The following CUEDC1 variants were observed in gnomAD, a reference collection of about 807,000 sequenced individuals.
The protein encoded by CUEDC1 is CUE domain-containing protein 1.
Under a neutral mutation model 43.7 loss-of-function variants are expected in CUEDC1, and 30 were observed. The observed-to-expected ratio is 0.69, with a 90% CI of 0.51 to 0.93. CUEDC1 has a LOEUF of 0.93. CUEDC1 is among the 40% of genes least tolerant of loss of function. The pLI, the probability that CUEDC1 is intolerant of heterozygous loss-of-function variation, is 0.00. For missense variants in CUEDC1, 486 were observed against 549.0 expected (o/e 0.89, Z 1.15); for synonymous variants, 223 against 223.6 (o/e 1.00, Z 0.02).
intron 1 of CUEDC1, among the ~76,000 whole-genome samples, chr17:57,903,727 C>A (rs2074498180): frequency 6.6e-6 from 1 of 151,906 alleles, no homozygotes; most frequent in East Asian, 1.9e-4. Flanking sequence ...CCACTTGAGG[C>A]CAGGAGCTTG....
At position 57,912,947 on chromosome 17, in the gene CUEDC1, C is replaced by T. The variant is rs144412032; in HGVS notation, c.-315-27068G>A. 8.7e-3 allele frequency among the ~76,000 whole-genome samples: 1,321 copies of T among 152,218 alleles called. 5 individuals are homozygous for T. Among genetic ancestry groups the T allele is most frequent in the Middle Eastern group, 0.014 (4 of 294 alleles). Reference sequence around the variant, plus strand: ...AGCCTCAACCTCCTGGGCTCAAAAGCGATCCTCCCACCTCAGCCTCCAGAG... The same window carrying T: ...AGCCTCAACCTCCTGGGCTCAAAAGTGATCCTCCCACCTCAGCCTCCAGAG... On this transcript the variant is annotated intron_variant, in intron 1 of 10. Transcript: ENST00000577830.
rs190633615 is a variant in CUEDC1 at position 57,910,978 on chromosome 17, C to T, written c.-315-25099G>A. 5.3e-5 allele frequency among the ~76,000 whole-genome samples: 8 copies of T among 152,228 alleles called. No homozygotes were observed. In the East Asian group the frequency reaches 1.2e-3, roughly 22 times the overall value. The stretch of plus-strand genomic sequence containing the variant: ...CCTGATGCCTTCAAGCTCCTCTTGC[C>T]GTCTCCCTCCCATTTTCTCCCTATG... On this transcript the variant is annotated intron_variant, in intron 1 of 10. Transcript: ENST00000577830.
rs563846260 is a variant in CUEDC1, at chr17:57,950,807, C to T, written c.-316+4418G>A. On this transcript the variant is annotated intron_variant, in intron 1 of 10. Transcript: ENST00000577830. Reference sequence around the variant, plus strand: ...TCTTGACTGCCTATTGGGCCTGCCCCGATCTCCTGACTAGGTTCCCTTCCT... The same window carrying T: ...TCTTGACTGCCTATTGGGCCTGCCCTGATCTCCTGACTAGGTTCCCTTCCT... 3.3e-5 allele frequency among the ~76,000 whole-genome samples: 5 copies of T among 152,312 alleles called. No homozygotes were observed. The East Asian group carries it at 5.8e-4, about 18-fold the overall frequency.
At chr17:57,892,099 C>T (rs2074361147) in intron 1 of CUEDC1, among the ~76,000 whole-genome samples, 2 of 152,178 alleles carry the variant, frequency 1.3e-5, no homozygotes, top group South Asian at 4.1e-4. Flanking sequence ...TTTCCTTCCT[C>T]CTCCGGCTCA....
chr17:57,928,564 A>G (rs2143144671), intron 1 of CUEDC1, among the ~76,000 whole-genome samples: 1 of 151,048 alleles, frequency 6.6e-6, no homozygotes, highest in East Asian at 1.9e-4. Flanking sequence ...AAAAAAAAAA[A>G]GAACCTAGGG....
chr17:57,944,044 C>T (rs1304845722), intron 1 of CUEDC1, among the ~76,000 whole-genome samples: 1 of 152,088 alleles, frequency 6.6e-6, no homozygotes, highest in East Asian at 1.9e-4. Flanking sequence ...GTTAACTTAA[C>T]CTCTCTGTGC....
chr17:57,865,186 G>A (rs2073939549), intron 10 of CUEDC1, among the ~76,000 whole-genome samples: 1 of 152,228 alleles, frequency 6.6e-6, no homozygotes, highest in South Asian at 2.1e-4. Context: ...TAGCAGCGTG[G>A]GGTGACAGTG....
chr17:57,945,461 T>G (rs895033983), intron 1 of CUEDC1, among the ~76,000 whole-genome samples: 1 of 152,252 alleles, frequency 6.6e-6, no homozygotes, highest in Non-Finnish European at 1.5e-5. Context: ...TGAACATTCA[T>G]GCAAAGACAT....
In CUEDC1 at chr17:57,930,430, C is replaced by T. The variant is rs970558364; in HGVS notation, c.-316+24795G>A. Among the ~76,000 whole-genome samples, 1 of 152,186 alleles carries T rather than the reference C, an allele frequency of 6.6e-6. No individual in the cohort carries two copies. The highest frequency in any genetic ancestry group is 2.4e-5 in the African/African-American group (1 of 41,432). On this transcript the variant is annotated intron_variant, in intron 1 of 10. Transcript: ENST00000577830. The surrounding 1 kb of genome is among the most constrained non-coding windows in gnomAD (Gnocchi z 4.2). ...GGCTGAGTCTGGGATGCCCAGGGGC[C>T]CTTTTATCCTGAGTCAGAAACCAAA...
At chr17:57,943,685 A>C (rs145245047) in intron 1 of CUEDC1, among the ~76,000 whole-genome samples, 2 of 152,082 alleles carry the variant, frequency 1.3e-5, no homozygotes, top group Admixed American at 6.6e-5. Flanking sequence ...ATCCACATAC[A>C]TGCAACCCTC....
chr17:57,870,598 G>A (rs2074020093), intron 6 of CUEDC1, among the ~76,000 whole-genome samples: 1 of 151,976 alleles, frequency 6.6e-6, no homozygotes. Context: ...CTCCTTACAA[G>A]ACCATAAGCT....
At chr17:57,953,107 C>T (rs752713977) in intron 1 of CUEDC1, among the ~76,000 whole-genome samples, 7 of 152,186 alleles carry the variant, frequency 4.6e-5, no homozygotes, top group East Asian at 1.9e-4. Context: ...CCTTAAGAGT[C>T]GTCTTTCACA....
intron 7 of CUEDC1, among the ~76,000 whole-genome samples, chr17:57,868,669 G>A (rs984058474): frequency 9.8e-5 from 15 of 152,324 alleles, no homozygotes; most frequent in African/African-American, 2.9e-4. Flanking sequence ...GAGCCTGAAA[G>A]GATCGCAGCC....
intron 8 of CUEDC1, 135 bp downstream of exon 8, chr17:57,868,015 G>A (rs1020356493): frequency 2.8e-6 from 2 of 711,376 alleles, no homozygotes; most frequent in Admixed American, 2.1e-5. Flanking sequence ...TGGAGGAGAG[G>A]GGAGGAGGAA....
At chr17:57,948,729 GAGTC>G (rs2143240891) in intron 1 of CUEDC1, among the ~76,000 whole-genome samples, 1 of 152,220 alleles carries the variant, frequency 6.6e-6, no homozygotes, top group South Asian at 2.1e-4. Flanking sequence ...CTGTGCCTAT[GAGTC>G]ACTTTTCTTA....
At chr17:57,896,014 G>A (rs1175383377) in intron 1 of CUEDC1, among the ~76,000 whole-genome samples, 1 of 152,196 alleles carries the variant, frequency 6.6e-6, no homozygotes, top group Non-Finnish European at 1.5e-5. Flanking sequence ...CGGACAGGCA[G>A]CAATCCATGC....
chr17:57,874,968 C>A (rs1404176692), intron 3 of CUEDC1, among the ~76,000 whole-genome samples: 2 of 152,268 alleles, frequency 1.3e-5, no homozygotes, highest in East Asian at 3.9e-4. Flanking sequence ...AACCCCAGCA[C>A]GCCTCGTCCA....
chr17:57,875,259 C>T (rs1025337799), intron 3 of CUEDC1, among the ~76,000 whole-genome samples: 1 of 152,132 alleles, frequency 6.6e-6, no homozygotes, highest in African/African-American at 2.4e-5. Context: ...ACATGGGTGC[C>T]CACCCCCAAT....
chr17:57,920,651 A>G (rs1211940156), intron 1 of CUEDC1, among the ~76,000 whole-genome samples: 4 of 87,416 alleles, frequency 4.6e-5, no homozygotes, highest in Non-Finnish European at 6.7e-5. Flanking sequence ...TTTTTTTTTG[A>G]GATGGAGTCT....
Sources: allele counts gnomAD v4.1 joint callset (sites outside exome capture counted in the v4.1 genomes callset), GRCh38; gene constraint gnomAD v4.1.1; non-coding constraint Gnocchi (gnomAD v3.1); transcripts MANE v1.5; gene names NCBI Gene and HGNC (gene_info 2026-07-23, HGNC 2026-07-21).